TRIM2: variants seen among roughly 807,000 people sequenced by gnomAD.
TRIM2 encodes tripartite motif containing 2.
A neutral mutation model predicts 75.2 loss-of-function variants in TRIM2; 20 were observed. The ratio of observed to expected loss-of-function variants is 0.27; its 90% CI spans 0.19 to 0.39. TRIM2 has a LOEUF of 0.39. Ranked by LOEUF, TRIM2 falls within the 10% of genes least tolerant of loss-of-function variation. The pLI is 1.00. For synonymous variants in TRIM2, 373 were observed against 388.3 expected, an observed-to-expected ratio of 0.96 and a Z score of 0.46; for missense variants, 660 against 990.8, an observed-to-expected ratio of 0.67 and a Z score of 4.48.
chr4:153,308,849 T>C (rs1765606395), intron 6 of TRIM2: 3 of 369,636 alleles, frequency 8.1e-6, no homozygotes, highest in Non-Finnish European at 1.6e-5. Flanking sequence ...CCCTCTCCCC[T>C]GCCCCACCTC....
intron 1 of TRIM2, among the ~76,000 whole-genome samples, chr4:153,179,674 C>T (rs1432452681): frequency 6.6e-6 from 1 of 152,084 alleles, no homozygotes; most frequent in Non-Finnish European, 1.5e-5. Context: ...ATTTTTTTCA[C>T]GTGGCTGAAT....
rs145290533 is a variant in TRIM2, at chr4:153,154,145, C to T, written c.-49+875C>T. Among the ~76,000 whole-genome samples the T allele has an allele frequency of 9.3e-3, 1,423 of 152,268 alleles. 28 individuals are homozygous for T. The highest frequency in any genetic ancestry group is 0.033 in the African/African-American group (1,353 of 41,538). ...AAACTCGGCCCTTCCCTAAAGGTTC[C>T]GAGGAGCGTTTCACAGAGTCACGTG... On this transcript the variant is annotated intron_variant, in intron 1 of 11. Transcript: ENST00000437508.
intron 1 of TRIM2, among the ~76,000 whole-genome samples, chr4:153,187,254 G>A (rs1315930938): frequency 6.6e-6 from 1 of 152,142 alleles, no homozygotes; most frequent in Non-Finnish European, 1.5e-5. Flanking sequence ...AAAAAAATTT[G>A]TAGATGCCCA....
chr4:153,165,776 C>T (rs1730239089), intron 1 of TRIM2, among the ~76,000 whole-genome samples: 1 of 152,072 alleles, frequency 6.6e-6, no homozygotes, highest in South Asian at 2.1e-4. Flanking sequence ...CATAGCCATC[C>T]TCACTCTCCT....
At position 153,322,555 on chromosome 4, in the gene TRIM2, A is replaced by T. The variant is rs973309033; in HGVS notation, c.1783-93A>T. Reference sequence around the variant, plus strand: ...TGTACCCGTTTGAACCTTCAGGTAAATGTTGACCAAAACAGTGTTTATCTT... The same window carrying T: ...TGTACCCGTTTGAACCTTCAGGTAATTGTTGACCAAAACAGTGTTTATCTT... On this transcript the variant is annotated intron_variant, in intron 8 of 11. Coordinates refer to ENST00000338700, the MANE Select transcript of TRIM2 (RefSeq NM_015271.5). 3.6e-6 allele frequency: 5 copies of T among 1,406,182 alleles called. No individual in the cohort carries two copies. The African/African-American group carries it at 7.2e-5, about 20-fold the overall frequency. 87.1% of individuals were successfully genotyped at this position (1,406,182 alleles called of 1,614,324 possible).
At chr4:153,311,648 T>A (rs1766322354) in intron 6 of TRIM2, among the ~76,000 whole-genome samples, 1 of 150,914 alleles carries the variant, frequency 6.6e-6, no homozygotes, top group African/African-American at 2.4e-5. Flanking sequence ...ATATAGTCAC[T>A]TCTTTGGTTT....
chr4:153,162,934 T>C (rs557055663), intron 1 of TRIM2, among the ~76,000 whole-genome samples: 3 of 152,296 alleles, frequency 2.0e-5, no homozygotes, highest in African/African-American at 7.2e-5. Flanking sequence ...ACATGGACCA[T>C]GCTCTCCAGA....
At chr4:153,252,227 C>G (rs1341280660) in intron 1 of TRIM2, among the ~76,000 whole-genome samples, 2 of 152,176 alleles carry the variant, frequency 1.3e-5, no homozygotes, top group Non-Finnish European at 2.9e-5. Flanking sequence ...TTGGTTATAT[C>G]TATCTCACAC....
At chr4:153,297,996 T>C (rs1763094531) in intron 6 of TRIM2, among the ~76,000 whole-genome samples, 1 of 152,188 alleles carries the variant, frequency 6.6e-6, no homozygotes, top group South Asian at 2.1e-4. Context: ...TGATACCCAC[T>C]TGAGGAAAGA....
chr4:153,303,896 A>G (rs1333973506), intron 6 of TRIM2, among the ~76,000 whole-genome samples: 1 of 152,142 alleles, frequency 6.6e-6, no homozygotes, highest in Non-Finnish European at 1.5e-5. Flanking sequence ...GTTGGATGTG[A>G]CTGCTGTTTG....
chr4:153,247,204 A>T (rs1203166453), intron 1 of TRIM2, among the ~76,000 whole-genome samples: 1 of 152,168 alleles, frequency 6.6e-6, no homozygotes, highest in African/African-American at 2.4e-5. Context: ...AGTGGCAGGT[A>T]GGCATGAACA....
chr4:153,166,369 G>A (rs1351505462), intron 1 of TRIM2, among the ~76,000 whole-genome samples: 3 of 152,130 alleles, frequency 2.0e-5, no homozygotes, highest in African/African-American at 7.2e-5. Flanking sequence ...GAGTCTTTGC[G>A]TGATTGATGG....
At chr4:153,231,067 T>C (rs1743487351) in intron 1 of TRIM2, among the ~76,000 whole-genome samples, 1 of 152,222 alleles carries the variant, frequency 6.6e-6, no homozygotes, top group Non-Finnish European at 1.5e-5. Flanking sequence ...AGGATGTCTT[T>C]CTCACTAAAA....
chr4:153,247,434 G>A (rs1464886573), intron 1 of TRIM2, among the ~76,000 whole-genome samples: 3 of 152,152 alleles, frequency 2.0e-5, no homozygotes, highest in Non-Finnish European at 4.4e-5. Context: ...CCAGCACTTC[G>A]GGAGGCCGAG....
intron 8 of TRIM2, among the ~76,000 whole-genome samples, chr4:153,318,396 T>C (rs1332112021): frequency 6.6e-6 from 1 of 152,204 alleles, no homozygotes; most frequent in Non-Finnish European, 1.5e-5. Flanking sequence ...TGAAAAACTG[T>C]CATTTTTTAT....
intron 1 of TRIM2, among the ~76,000 whole-genome samples, chr4:153,260,372 C>T (rs1354595150): frequency 1.3e-5 from 2 of 152,108 alleles, no homozygotes; most frequent in African/African-American, 4.8e-5. Flanking sequence ...ACTTAACATT[C>T]CACCACACAG....
rs1012146710 is a variant in TRIM2, at chr4:153,276,093, C to T, written c.416C>T (p.Ala139Val). ...SILETVTAVA[A>V]GKPLSCPNHD... ...CTGGAGACAGTCACTGCTGTGGCTG[C>T]GGGAAAGCCTCTCTCTTGCCCAAAC... The change falls in exon 3 of 12, where the codon GCG becomes GTG. Residue 139 changes from alanine to valine, a missense_variant. By Grantham distance (64) the Ala-to-Val change is moderately conservative. This residue lies in a region of TRIM2 where 620 missense variants were observed against 891.0 expected (regional missense o/e 0.70). Coordinates refer to ENST00000338700, the MANE Select transcript of TRIM2 (RefSeq NM_015271.5). 25 of 1,613,970 alleles carry T rather than the reference C, an allele frequency of 1.5e-5. 1 individual carries two copies. Among genetic ancestry groups the T allele is most frequent in the Admixed American group, 5.0e-5 (3 of 59,994 alleles).
intron 1 of TRIM2, among the ~76,000 whole-genome samples, chr4:153,234,534 A>G (rs1456061016): frequency 6.6e-6 from 1 of 152,246 alleles, no homozygotes; most frequent in Admixed American, 6.5e-5. Context: ...TGCGGATCTC[A>G]GTCACAAAAG....
intron 1 of TRIM2, among the ~76,000 whole-genome samples, chr4:153,190,904 A>G (rs1435681062): frequency 6.6e-6 from 1 of 151,660 alleles, no homozygotes; most frequent in Non-Finnish European, 1.5e-5. Context: ...TGCCCAGCCA[A>G]TTTTTGTATT....
Sources: gnomAD v4.1 joint callset for allele counts (sites outside exome capture counted in the v4.1 genomes callset) on GRCh38, gnomAD v4.1.1 for gene constraint, gnomAD v4.1.1 regional missense constraint, MANE v1.5 for transcripts, NCBI Gene and HGNC (gene_info 2026-07-23, HGNC 2026-07-21) for gene names.